The following E2F7 variants were observed in gnomAD, a reference collection of about 807,000 sequenced individuals.
E2F7 encodes transcription factor E2F7.
E2F7 carries 35 observed loss-of-function variants against 81.1 expected under a neutral mutation model. The observed-to-expected ratio is 0.43, with a 90% confidence interval of 0.33 to 0.57. The LOEUF is 0.57. E2F7 is among the 20% of genes least tolerant of loss of function. The probability of loss-of-function intolerance (pLI) is 0.04; values close to 1 mark genes in which losing one functional copy is unlikely to be tolerated. For synonymous variants in E2F7, 416 were observed against 416.2 expected (o/e 1.00, Z 0.01); for missense variants, 961 against 1,093.7 (o/e 0.88, Z 1.71).
Position 77,025,844 on chromosome 12 carries a change from T to C in E2F7, c.2279A>G (p.Tyr760Cys), listed in dbSNP as rs758405474. Residue 760 changes from tyrosine (Y) to cysteine (C), a missense_variant, in exon 12 of 13, where the codon TAT becomes TGT. Coordinates refer to ENST00000322886, the MANE Select transcript of E2F7 (RefSeq NM_203394.3). Reference protein sequence around the residue: ...SPPLGPFPVLYSPAMPGPVSS... With the variant: ...SPPLGPFPVLCSPAMPGPVSS... The stretch of plus-strand genomic sequence containing the variant: ...AACCGGGCCCGGCATTGCAGGAGAA[T>C]AGAGAACAGGAAAAGGGCCCAGAGG... The C allele has an allele frequency of 1.2e-6, 2 of 1,613,212 alleles. No homozygotes were observed. Among genetic ancestry groups the C allele is most frequent in the East Asian group, 2.2e-5 (1 of 44,830 alleles).
chr12:77,055,747 T>C, intron 3 of E2F7, 108 bp downstream of exon 3: 2 of 1,295,046 alleles, frequency 1.5e-6, no homozygotes, highest in East Asian at 4.8e-5. Flanking sequence ...AGTTTGCCAC[T>C]GCTTTTGGCT....
intron 9 of E2F7, among the ~76,000 whole-genome samples, chr12:77,032,052 A>G (rs562381723): frequency 6.6e-6 from 1 of 152,302 alleles, no homozygotes; most frequent in South Asian, 2.1e-4. Context: ...ACTGTCTCAC[A>G]CTGGTTTCCC....
intron 2 of E2F7, among the ~76,000 whole-genome samples, chr12:77,060,071 C>T (rs1481745947): frequency 6.6e-6 from 1 of 151,976 alleles, no homozygotes; most frequent in Non-Finnish European, 1.5e-5. Flanking sequence ...TGTATTGCAG[C>T]TCCACTTTTC....
chr12:77,035,872 A>G (rs1046075766), intron 7 of E2F7, among the ~76,000 whole-genome samples: 3 of 149,840 alleles, frequency 2.0e-5, no homozygotes, highest in African/African-American at 7.3e-5. Context: ...CATCAAAAAT[A>G]TAAAGGCTCA....
rs1324070028 is a variant in E2F7 at position 77,021,603 on chromosome 12, G to A, written c.*2412C>T. On this transcript the variant is annotated 3_prime_UTR_variant, in exon 13 of 13. Transcript: ENST00000322886. ...TATAAAAGTTATACCCCCGACTCTT[G>A]TACCAGAATGAAAGGGTTTTACAAA... 6 of 152,612 alleles carry A rather than the reference G, an allele frequency of 3.9e-5. No individual in the cohort carries two copies. Among genetic ancestry groups the A allele is most frequent in the African/African-American group, 1.2e-4 (5 of 41,446 alleles). 9.5% of individuals were successfully genotyped at this position (152,612 alleles called of 1,614,324 possible).
Position 77,033,096 on chromosome 12 carries a change from C to G in E2F7, c.1336G>C (p.Gly446Arg). The G allele has an allele frequency of 2.5e-6, 4 of 1,613,794 alleles. No homozygotes were observed. Among genetic ancestry groups the G allele is most frequent in the Non-Finnish European group, 3.4e-6 (4 of 1,179,946 alleles). The stretch of plus-strand genomic sequence containing the variant: ...TGTCTATAGACAGCTGCCAGGCTTC[C>G]AATTTCTAAAGAGTAGCCACCTGAT... ...QGSGGYSLEI[G>R]SLAAVYRQKI... The change falls in exon 9 of 13, where the codon GGA (glycine) becomes CGA (arginine). Residue 446 changes from glycine to arginine, a missense_variant. By Grantham distance (125) the Gly-to-Arg change is moderately radical. This residue lies in a region of E2F7 where 587 missense variants were observed against 620.3 expected (regional missense o/e 0.95). Transcript: ENST00000322886.
At chr12:77,062,737 A>G (rs1379614524) in intron 2 of E2F7, among the ~76,000 whole-genome samples, 2 of 152,176 alleles carry the variant, frequency 1.3e-5, no homozygotes, top group African/African-American at 4.8e-5. Flanking sequence ...ACTGACTTAG[A>G]CGTTATATAA....
Position 77,029,836 on chromosome 12 carries a change from G to C in E2F7, c.1879C>G (p.Pro627Ala). 8 of 1,614,022 alleles carry C rather than the reference G, an allele frequency of 5.0e-6. No individual in the cohort carries two copies. Among genetic ancestry groups the C allele is most frequent in the Non-Finnish European group, 5.9e-6 (7 of 1,179,928 alleles). Residue 627 changes from proline to alanine, a missense_variant, in exon 10 of 13, where the codon CCC (proline) becomes GCC (alanine). Around this residue, in one of 3 missense-constraint regions of E2F7, gnomAD observed 587 missense variants for 620.3 expected, o/e 0.95. Transcript: ENST00000322886. ...YEDGPLSLVM[P>A]KKPSDSTDLA... Reference sequence around the variant, plus strand: ...ATCCACCTGCACTCCCTTACCTTGGGCATGACAAGCGACAGCGGGCCGTCT... The same window carrying C: ...ATCCACCTGCACTCCCTTACCTTGGCCATGACAAGCGACAGCGGGCCGTCT...
chr12:77,050,936 T>C (rs1693778411), intron 3 of E2F7, among the ~76,000 whole-genome samples, 192 bp from the exon 4 acceptor site: 1 of 152,148 alleles, frequency 6.6e-6, no homozygotes, highest in African/African-American at 2.4e-5. Flanking sequence ...GATTTTTTTC[T>C]CCTTTATAAT....
chr12:77,063,764 G>T (rs1379460875), intron 2 of E2F7, among the ~76,000 whole-genome samples: 1 of 152,202 alleles, frequency 6.6e-6, no homozygotes, highest in Non-Finnish European at 1.5e-5. Context: ...TGCAACCAAG[G>T]AGTTTCACTG....
rs1954713066 is a variant in E2F7 at position 77,021,786 on chromosome 12, T to C, written c.*2229A>G. The C allele has an allele frequency of 6.6e-6, 1 of 152,240 alleles. No individual in the cohort carries two copies. Among genetic ancestry groups the C allele is most frequent in the Non-Finnish European group, 1.5e-5 (1 of 68,032 alleles). 9.4% of individuals were successfully genotyped at this position (152,240 alleles called of 1,614,324 possible). On this transcript the variant is annotated 3_prime_UTR_variant, in exon 13 of 13. Transcript: ENST00000322886. Reference sequence around the variant, plus strand: ...CTTCACTACCCAAAATATCCAAGTCTAGCGCAGCAGCTTCAATTCCACCAG... The same window carrying C: ...CTTCACTACCCAAAATATCCAAGTCCAGCGCAGCAGCTTCAATTCCACCAG...
intron 12 of E2F7, among the ~76,000 whole-genome samples, chr12:77,025,130 C>T (rs1307989592): frequency 6.6e-6 from 1 of 152,082 alleles, no homozygotes; most frequent in Non-Finnish European, 1.5e-5. Context: ...AAATGACTGA[C>T]AGGCTAAGAA....
In E2F7 at chr12:77,055,882, C is replaced by G; in HGVS notation, c.342G>C (p.Lys114Asn). Residue 114 changes from lysine (K) to asparagine (N), a missense_variant, in exon 3 of 13, where the codon AAG (lysine) becomes AAC (asparagine). Physicochemically the swap from Lys to Asn is moderately conservative, Grantham distance 94. Around this residue, in one of 3 missense-constraint regions of E2F7, gnomAD observed 301 missense variants for 405.0 expected, o/e 0.74. Coordinates refer to ENST00000322886, the MANE Select transcript of E2F7 (RefSeq NM_203394.3). The stretch of plus-strand genomic sequence containing the variant: ...GTAGAGAATCTGTAAATGCATCGTC[C>G]TTGTTTTCAATGGGTCGGAATAGTC... ...KKGLFRPIEN[K>N]DDAFTDSLQL... The G allele has an allele frequency of 6.2e-7, 1 of 1,612,600 alleles. No homozygotes were observed. The highest frequency in any genetic ancestry group is 8.5e-7 in the Non-Finnish European group (1 of 1,179,652).
intron 7 of E2F7, among the ~76,000 whole-genome samples, chr12:77,039,782 T>C (rs1257977792): frequency 6.6e-6 from 1 of 152,196 alleles, no homozygotes; most frequent in Non-Finnish European, 1.5e-5. Flanking sequence ...CCACCTACCA[T>C]ACGATGCAGC....
chr12:77,065,095 C>T (rs1318812433), intron 1 of E2F7, among the ~76,000 whole-genome samples: 1 of 152,192 alleles, frequency 6.6e-6, no homozygotes, highest in African/African-American at 2.4e-5. Flanking sequence ...CCCAGGCCTC[C>T]AAGCAGATCC....
intron 7 of E2F7, among the ~76,000 whole-genome samples, chr12:77,041,138 G>A (rs761873953): frequency 3.3e-5 from 5 of 152,154 alleles, no homozygotes; most frequent in South Asian, 2.1e-4. Flanking sequence ...CTGTCCCTCC[G>A]TGCAAATACA....
intron 8 of E2F7, among the ~76,000 whole-genome samples, chr12:77,033,396 C>T (rs1423446114): frequency 6.6e-6 from 1 of 152,086 alleles, no homozygotes; most frequent in African/African-American, 2.4e-5. Flanking sequence ...CCTGTGGTCC[C>T]AGCTACTTGG....
chr12:77,026,410 G>C lies in E2F7; in HGVS notation c.2141-428C>G, dbSNP rs146596608. ...CTCACCCTCCTGGGCTCAAGCAGTC[G>C]TCCCATTTCAGTCTGCAGAGTAGCT... On this transcript the variant is annotated intron_variant, in intron 11 of 12. Transcript: ENST00000322886. Among the ~76,000 whole-genome samples the C allele has an allele frequency of 4.6e-5, 7 of 151,860 alleles. 1 individual carries two copies. The highest frequency in any genetic ancestry group is 4.6e-4 in the Admixed American group (7 of 15,234).
intron 3 of E2F7, among the ~76,000 whole-genome samples, chr12:77,054,261 T>G (rs1435335589): frequency 6.6e-6 from 1 of 152,002 alleles, no homozygotes; most frequent in African/African-American, 2.4e-5. Context: ...TTAAAACACT[T>G]GACTTTGATC....
Sources: allele counts gnomAD v4.1 joint callset (sites outside exome capture counted in the v4.1 genomes callset), GRCh38; gene constraint gnomAD v4.1.1; regional missense constraint gnomAD v4.1.1; transcripts MANE v1.5; gene names NCBI Gene and HGNC (gene_info 2026-07-23, HGNC 2026-07-21).